The following MTHFD1L variants were observed in gnomAD, a reference collection of about 807,000 sequenced individuals.
MTHFD1L encodes the protein methylenetetrahydrofolate dehydrogenase (NADP+ dependent) 1 like.
MTHFD1L carries 81 observed loss-of-function variants against 119.5 expected under a neutral mutation model. The ratio of observed to expected loss-of-function variants is 0.68; its 90% CI spans 0.57 to 0.82. MTHFD1L has a LOEUF of 0.82. Among genes scored for constraint, MTHFD1L ranks in the 40% least tolerant of loss-of-function variants. The pLI is 0.00. For missense variants in MTHFD1L, 1,125 were observed against 1,253.4 expected (o/e 0.90, Z 1.55); for synonymous variants, 430 against 475.2 (o/e 0.90, Z 1.24).
intron 5 of MTHFD1L, 102 bp downstream of exon 5, chr6:150,882,988 T>G (rs565874912): frequency 2.6e-6 from 3 of 1,138,696 alleles, no homozygotes. Flanking sequence ...TTCAACTGTG[T>G]CAGTAATTGG....
At chr6:151,058,198 A>G (rs1790212736) in intron 26 of MTHFD1L, among the ~76,000 whole-genome samples, 1 of 152,244 alleles carries the variant, frequency 6.6e-6, no homozygotes, top group South Asian at 2.1e-4. Flanking sequence ...TATTGCACTG[A>G]CATTCTAATG....
At position 150,922,248 on chromosome 6, in the gene MTHFD1L, A is replaced by T; in HGVS notation, c.1028A>T (p.His343Leu). The stretch of plus-strand genomic sequence containing the variant: ...AGGAGATGGCTTCGTGAACAGCAGC[A>T]CAGGCGGTGGAGACTTCACTGCTTG... Reference protein sequence around the residue: ...SGRRWLREQQHRRWRLHCLKL... With the variant: ...SGRRWLREQQLRRWRLHCLKL... Residue 343 changes from histidine (H) to leucine (L), a missense_variant, in exon 10 of 28, where the codon CAC (histidine) becomes CTC (leucine). Physicochemically the swap from His to Leu is moderately conservative, Grantham distance 99. Transcript: ENST00000367321. 1 of 1,614,116 alleles carries T rather than the reference A, an allele frequency of 6.2e-7. No homozygotes were observed. The highest frequency in any genetic ancestry group is 2.2e-5 in the East Asian group (1 of 44,876).
chr6:150,895,010 A>G (rs1783982728), intron 7 of MTHFD1L, among the ~76,000 whole-genome samples: 1 of 152,152 alleles, frequency 6.6e-6, no homozygotes, highest in Admixed American at 6.5e-5. Flanking sequence ...ACGCCTGGGC[A>G]TTTGTCCAAA....
At chr6:151,073,890 A>G (rs1792222826) in intron 26 of MTHFD1L, among the ~76,000 whole-genome samples, 1 of 152,218 alleles carries the variant, frequency 6.6e-6, no homozygotes, top group Admixed American at 6.5e-5. Flanking sequence ...GAAAAAAGGA[A>G]CTGAAAAATA....
In MTHFD1L at chr6:150,944,549, G is replaced by A. The variant is rs751750277; in HGVS notation, c.1504G>A (p.Ala502Thr). The A allele has an allele frequency of 2.5e-5, 40 of 1,613,990 alleles. 1 individual carries two copies. The East Asian group carries it at 4.5e-4, about 18-fold the overall frequency. The part of the protein sequence containing the change: ...ITAANNLLAA[A>T]IDTRILHENT... ...CGCTGCCAATAACTTGCTGGCTGCC[G>A]CCATCGACACGAGGATTCTTCATGA... The change falls in exon 14 of 28, where the codon GCC becomes ACC. Residue 502 changes from alanine (A) to threonine (T), a missense_variant. This residue lies in a region of MTHFD1L where 1,058 missense variants were observed against 1,151.2 expected (regional missense o/e 0.92). Coordinates refer to ENST00000367321, the MANE Select transcript of MTHFD1L (RefSeq NM_015440.5).
At chr6:150,891,917 A>G (rs1239882555) in intron 7 of MTHFD1L, among the ~76,000 whole-genome samples, 1 of 152,234 alleles carries the variant, frequency 6.6e-6, no homozygotes, top group African/African-American at 2.4e-5. Flanking sequence ...CAGGGTGAGA[A>G]TGGAAATGAG....
At chr6:151,002,931 A>C (rs376374497) in intron 20 of MTHFD1L, among the ~76,000 whole-genome samples, 2 of 152,132 alleles carry the variant, frequency 1.3e-5, no homozygotes, top group South Asian at 4.1e-4. Context: ...GCATTATAGG[A>C]TATTTAGCAG....
chr6:150,890,015 A>G (rs1198364562), intron 7 of MTHFD1L, among the ~76,000 whole-genome samples: 1 of 152,008 alleles, frequency 6.6e-6, no homozygotes, highest in East Asian at 1.9e-4. Flanking sequence ...AATTAGCTGG[A>G]TGTGGTGGCA....
intron 26 of MTHFD1L, among the ~76,000 whole-genome samples, chr6:151,063,722 T>C (rs923833538): frequency 5.9e-5 from 9 of 152,170 alleles, no homozygotes; most frequent in Admixed American, 5.2e-4. Flanking sequence ...CTTATGCAAA[T>C]GTATTTTAGA....
At chr6:151,063,464 T>A (rs528131501) in intron 26 of MTHFD1L, among the ~76,000 whole-genome samples, 26 of 152,364 alleles carry the variant, frequency 1.7e-4, no homozygotes, top group African/African-American at 6.0e-4. Context: ...ACATGATTAA[T>A]TGACATTGTG....
chr6:150,987,105 G>A (rs2128434874), intron 20 of MTHFD1L, among the ~76,000 whole-genome samples: 1 of 152,274 alleles, frequency 6.6e-6, no homozygotes, highest in African/African-American at 2.4e-5. Context: ...ACTGAAATAG[G>A]CAAAATGTTT....
chr6:151,013,322 G>C (rs552199085), intron 21 of MTHFD1L, among the ~76,000 whole-genome samples: 21 of 152,220 alleles, frequency 1.4e-4, no homozygotes, highest in Non-Finnish European at 2.8e-4. Flanking sequence ...TGAGACCGCA[G>C]TGAGCTGTGA....
chr6:151,027,818 A>G (rs1784792558), intron 24 of MTHFD1L, among the ~76,000 whole-genome samples: 2 of 152,162 alleles, frequency 1.3e-5, no homozygotes, highest in South Asian at 4.1e-4. Context: ...GTGAGTGAAA[A>G]ACAAAAATTG....
intron 27 of MTHFD1L, among the ~76,000 whole-genome samples, chr6:151,098,369 T>G (rs1795070015): frequency 6.6e-6 from 1 of 152,122 alleles, no homozygotes. Flanking sequence ...GGTTTTAGTC[T>G]TGAAACTTTA....
chr6:151,005,393 A>T (rs1016782043), intron 20 of MTHFD1L, among the ~76,000 whole-genome samples: 8 of 152,116 alleles, frequency 5.3e-5, no homozygotes, highest in Non-Finnish European at 8.8e-5. Flanking sequence ...CATAAAAGTG[A>T]TTACATGCAG....
At chr6:150,985,011 TCTAGGTTTCTCCAATAC>T (rs1420277139) in intron 20 of MTHFD1L, 1 of 152,184 alleles carries the variant, frequency 6.6e-6, no homozygotes, top group African/African-American at 2.4e-5. Flanking sequence ...CTCCCCCAAA[TCTAGGTTTCTCCAATAC>T]CTACCTCCAG....
intron 8 of MTHFD1L, among the ~76,000 whole-genome samples, chr6:150,916,671 G>C: frequency 7.2e-6 from 1 of 139,346 alleles, no homozygotes; most frequent in Non-Finnish European, 1.5e-5. Flanking sequence ...TTGATAATCA[G>C]GTAATCCCTA....
rs932593603 is a variant in MTHFD1L at position 151,045,201 on chromosome 6, A to G, written c.2847+8084A>G. ...TTAAATCAAATGCATGACCCTTCAC[A>G]TTTTCCAGAGATTTACGGCCAGTTA... On this transcript the variant is annotated intron_variant, in intron 26 of 27. Coordinates refer to ENST00000367321, the MANE Select transcript of MTHFD1L (RefSeq NM_015440.5). 4.6e-5 allele frequency among the ~76,000 whole-genome samples: 7 copies of G among 152,132 alleles called. 1 individual carries two copies. The highest frequency in any genetic ancestry group is 3.9e-4 in the East Asian group (2 of 5,170).
At chr6:150,922,879 G>T (rs1381109188) in intron 10 of MTHFD1L, among the ~76,000 whole-genome samples, 3 of 152,050 alleles carry the variant, frequency 2.0e-5, no homozygotes, top group Admixed American at 6.6e-5. Flanking sequence ...CCTGACCTCA[G>T]GTGATCTGCC....
Sources: gnomAD v4.1 joint callset for allele counts (sites outside exome capture counted in the v4.1 genomes callset) on GRCh38, gnomAD v4.1.1 for gene constraint, gnomAD v4.1.1 regional missense constraint, MANE v1.5 for transcripts, NCBI Gene and HGNC (gene_info 2026-07-23, HGNC 2026-07-21) for gene names.